The following PAM variants were observed in gnomAD, a reference collection of about 807,000 sequenced individuals.
The protein encoded by PAM is peptidylglycine alpha-amidating monooxygenase, also known as peptidyl-glycine alpha-amidating monooxygenase.
A neutral mutation model predicts 122.1 loss-of-function variants in PAM; 72 were observed. The observed-to-expected ratio is 0.59, with a 90% CI of 0.49 to 0.72. The LOEUF is 0.72. PAM is among the 30% of genes least tolerant of loss of function. PAM has a pLI of 0.00. For missense variants in PAM, 1,106 were observed against 1,183.7 expected (o/e 0.93, Z 0.96); for synonymous variants, 389 against 404.4 (o/e 0.96, Z 0.46).
At chr5:102,904,810 T>C (rs1300845816) in intron 4 of PAM, among the ~76,000 whole-genome samples, 1 of 151,624 alleles carries the variant, frequency 6.6e-6, no homozygotes, top group African/African-American at 2.4e-5. Flanking sequence ...CAAAATTCGA[T>C]TTGAATAACT....
In PAM at chr5:102,926,598, A is replaced by C. The variant is rs763456543; in HGVS notation, c.456A>C (p.Arg152Ser). The change falls in exon 7 of 26, where the codon AGA (arginine) becomes AGC (serine). Residue 152 changes from arginine to serine, a missense_variant. Physicochemically the swap from Arg to Ser is moderately radical, Grantham distance 110. Transcript: ENST00000438793. The stretch of plus-strand genomic sequence containing the variant: ...GTAAATCTTTAGGTGTTGGATTCAG[A>C]GTTGGAGGAGAGACTGGAAGTAAAT... ...PTRLPKGVGFRVGGETGSKYF... is the reference protein window; with the variant it reads ...PTRLPKGVGFSVGGETGSKYF... 6.3e-6 allele frequency: 10 copies of C among 1,581,664 alleles called. No individual in the cohort carries two copies. The highest frequency in any genetic ancestry group is 7.8e-6 in the Non-Finnish European group (9 of 1,150,734).
At chr5:102,756,335 A>C (rs1467502176) in intron 1 of PAM, among the ~76,000 whole-genome samples, 1 of 152,132 alleles carries the variant, frequency 6.6e-6, no homozygotes, top group East Asian at 1.9e-4. Context: ...TTCAGAGTTG[A>C]AATCGTGTCG....
chr5:103,012,838 A>G (rs971304472), intron 21 of PAM, among the ~76,000 whole-genome samples: 6 of 150,124 alleles, frequency 4.0e-5, no homozygotes, highest in African/African-American at 1.5e-4. Context: ...CCTGGGGGAC[A>G]GAGCAAGACT....
At chr5:102,930,188 A>G (rs1173571456) in intron 7 of PAM, among the ~76,000 whole-genome samples, 1 of 152,214 alleles carries the variant, frequency 6.6e-6, no homozygotes, top group Non-Finnish European at 1.5e-5. Context: ...CCATAGTGTC[A>G]AGCCTATACT....
At chr5:102,768,120 T>C (rs1754654732) in intron 1 of PAM, among the ~76,000 whole-genome samples, 2 of 152,210 alleles carry the variant, frequency 1.3e-5, no homozygotes, top group East Asian at 1.9e-4. Context: ...ATTACTATAA[T>C]GGTGTTAACT....
At chr5:102,883,555 T>C (rs989127787) in intron 3 of PAM, among the ~76,000 whole-genome samples, 1 of 152,066 alleles carries the variant, frequency 6.6e-6, no homozygotes, top group South Asian at 2.1e-4. Flanking sequence ...TTTGTGTACA[T>C]TAATTTTGTA....
Position 103,009,764 on chromosome 5 carries a change from A to T in PAM, c.2229A>T (p.Ala743=). ...TTGCTGTTGCAGGCTTGCTCTTTGCAGTGAATGGGAAGCCTCATTTTGGGG... is the reference window on the plus strand; with the variant it reads ...TTGCTGTTGCAGGCTTGCTCTTTGCTGTGAATGGGAAGCCTCATTTTGGGG... ...AISYIPGLLF[A]VNGKPHFGDQ... Residue 743 remains alanine (A), a synonymous_variant, in exon 21 of 26, where the codon GCA becomes GCT. Transcript: ENST00000438793. 6.2e-7 allele frequency: 1 copy of T among 1,602,772 alleles called. No homozygotes were observed. The highest frequency in any genetic ancestry group is 8.5e-7 in the Non-Finnish European group (1 of 1,169,824).
chr5:102,999,822 C>A (rs1488424520), intron 16 of PAM, among the ~76,000 whole-genome samples: 2 of 152,228 alleles, frequency 1.3e-5, no homozygotes, highest in Non-Finnish European at 2.9e-5. Flanking sequence ...CTGCACAGAG[C>A]AGCAAGGCCC....
At chr5:102,989,796 T>TTAGATAGATCGATAGA in intron 15 of PAM, 1 of 147,856 alleles carries the variant, frequency 6.8e-6, no homozygotes, top group African/African-American at 2.5e-5. Context: ...AGATGATAGA[T>TTAGATAGATCGATAGA]TAGATAGATA....
At chr5:102,932,631 C>A (rs566004692) in intron 7 of PAM, among the ~76,000 whole-genome samples, 82 of 148,382 alleles carry the variant, frequency 5.5e-4, no homozygotes, top group African/African-American at 2.0e-3. Context: ...GAGTAAGACT[C>A]CATCTCAAAA....
intron 1 of PAM, among the ~76,000 whole-genome samples, chr5:102,764,624 TA>T (rs1753346504): frequency 6.6e-6 from 1 of 152,208 alleles, no homozygotes; most frequent in South Asian, 2.1e-4. Context: ...TGCTGGTAGC[TA>T]AAACTTAAAG....
At chr5:102,960,101 AT>A in intron 13 of PAM, 42 bp downstream of exon 13, 3 of 1,133,594 alleles carry the variant, frequency 2.6e-6, no homozygotes, top group Non-Finnish European at 3.8e-6. Flanking sequence ...ATGATTTTGT[AT>A]TTTATATTTT....
chr5:102,797,850 A>G (rs894326486), intron 1 of PAM, among the ~76,000 whole-genome samples: 4 of 152,100 alleles, frequency 2.6e-5, no homozygotes, highest in African/African-American at 7.2e-5. Context: ...TCCTACTACT[A>G]CTACTACTAA....
At chr5:102,913,744 A>T (rs1420030858) in intron 4 of PAM, among the ~76,000 whole-genome samples, 190 bp from the exon 5 acceptor site, 2 of 151,908 alleles carry the variant, frequency 1.3e-5, no homozygotes, top group Non-Finnish European at 2.9e-5. Context: ...TTTCCTTTTT[A>T]CTCTTAATCA....
chr5:102,859,421 A>T (rs1259419239), intron 1 of PAM, among the ~76,000 whole-genome samples: 1 of 151,826 alleles, frequency 6.6e-6, no homozygotes, highest in African/African-American at 2.4e-5. Context: ...TTTTTTTTTA[A>T]AAAAAGCTTA....
At chr5:102,870,066 A>T (rs886813446) in intron 3 of PAM, among the ~76,000 whole-genome samples, 6 of 152,100 alleles carry the variant, frequency 3.9e-5, no homozygotes, top group African/African-American at 1.4e-4. Flanking sequence ...GGAAAATGTA[A>T]AAACAAGGAA....
intron 7 of PAM, among the ~76,000 whole-genome samples, chr5:102,945,561 T>C: frequency 6.6e-6 from 1 of 152,060 alleles, no homozygotes; most frequent in Admixed American, 6.6e-5. Flanking sequence ...TTTAGTTTTT[T>C]GATTCACGAC....
chr5:102,996,029 G>A (rs543771981), intron 16 of PAM, among the ~76,000 whole-genome samples: 5 of 151,758 alleles, frequency 3.3e-5, no homozygotes, highest in African/African-American at 1.2e-4. Flanking sequence ...TATTTAATTT[G>A]AATTCCCTTA....
intron 12 of PAM, among the ~76,000 whole-genome samples, chr5:102,954,632 A>G (rs561789175): frequency 6.6e-6 from 1 of 152,184 alleles, no homozygotes; most frequent in South Asian, 2.1e-4. Context: ...TCTATGAAGA[A>G]GCAATATTTT....
Sources: gnomAD v4.1 joint callset for allele counts (sites outside exome capture counted in the v4.1 genomes callset) on GRCh38, gnomAD v4.1.1 for gene constraint, MANE v1.5 for transcripts, NCBI Gene and HGNC (gene_info 2026-07-23, HGNC 2026-07-21) for gene names.